The following WNT11 variants were observed in gnomAD, a reference collection of about 807,000 sequenced individuals.
The protein encoded by WNT11 is Wnt family member 11, also known as protein Wnt-11.
A neutral mutation model predicts 35.6 loss-of-function variants in WNT11; 20 were observed. The observed-to-expected ratio is 0.56, with a 90% CI of 0.40 to 0.82. The LOEUF is 0.82. WNT11 is among the 40% of genes least tolerant of loss of function. The probability of loss-of-function intolerance (pLI) is 0.00; values close to 1 mark genes in which losing one functional copy is unlikely to be tolerated. For missense variants in WNT11, 459 were observed against 504.4 expected, an observed-to-expected ratio of 0.91 and a Z score of 0.86; for synonymous variants, 200 against 211.9, an observed-to-expected ratio of 0.94 and a Z score of 0.49.
At chr11:76,207,818 T>C (rs1420664455), upstream of WNT11, among the ~76,000 whole-genome samples, 1 of 152,022 alleles carries the variant, frequency 6.6e-6, no homozygotes, top group African/African-American at 2.4e-5. Flanking sequence ...GGAGCAGCTA[T>C]CTCCGCTTTT....
At chr11:76,202,436 T>C (rs1166435651) in intron 1 of WNT11, among the ~76,000 whole-genome samples, 1 of 152,158 alleles carries the variant, frequency 6.6e-6, no homozygotes, top group Non-Finnish European at 1.5e-5. Context: ...TTGTCCCTCC[T>C]TTCCCCGTGT....
In WNT11 at chr11:76,194,847, G is replaced by C. The variant is rs779451855; in HGVS notation, c.320-3C>G. The C allele has an allele frequency of 4.5e-5, 67 of 1,496,486 alleles. No individual in the cohort carries two copies. The highest frequency in any genetic ancestry group is 5.4e-5 in the Non-Finnish European group (61 of 1,129,328). The allele number at this position is 1,496,486 out of a possible 1,614,324, so 92.7% of individuals were successfully genotyped here. On this transcript the variant is annotated splice_polypyrimidine_tract_variant and splice_region_variant and intron_variant, in intron 2 of 4. Transcript: ENST00000322563. This position sits in a 1 kb window ranked among gnomAD's most constrained non-coding sequence, Gnocchi z 5.4. Reference sequence around the variant, plus strand: ...CACGAAGGCCGACTCCCGGGTCCCTGAGGGTGGGAGGGGAAGGTCAGCCGA... The same window carrying C: ...CACGAAGGCCGACTCCCGGGTCCCTCAGGGTGGGAGGGGAAGGTCAGCCGA...
At chr11:76,187,261 G>C in intron 4 of WNT11, 22 bp from the exon 5 acceptor site, 1 of 1,596,616 alleles carries the variant, frequency 6.3e-7, no homozygotes, top group Non-Finnish European at 8.5e-7. Flanking sequence ...GCAGGAAGGA[G>C]GTCAGTGCAT....
At chr11:76,193,080 G>A (rs1220147719) in intron 3 of WNT11, among the ~76,000 whole-genome samples, 1 of 152,254 alleles carries the variant, frequency 6.6e-6, no homozygotes. Context: ...GGAATTGTCT[G>A]TGGAGGTCAC....
chr11:76,194,730 C>T lies in WNT11; in HGVS notation c.434G>A (p.Gly145Asp). 1 of 1,550,720 alleles carries T rather than the reference C, an allele frequency of 6.4e-7. No individual in the cohort carries two copies. The highest frequency in any genetic ancestry group is 8.7e-7 in the Non-Finnish European group (1 of 1,147,268). The stretch of plus-strand genomic sequence containing the variant: ...GCGGTTCCCGGGCCCGGGTGGCTCA[C>T]CTGGGACGGGGCCGCAGGAGCAGCC... ...LPGCSCGPVP[G>D]EPPGPGNRWG... Residue 145 changes from glycine to aspartate, a missense_variant, in exon 3 of 5, where the codon GGT becomes GAT. Coordinates refer to ENST00000322563, the MANE Select transcript of WNT11 (RefSeq NM_004626.3). The surrounding 1 kb of genome is among the most constrained non-coding windows in gnomAD (Gnocchi z 5.4).
At chr11:76,210,374 G>A, upstream of WNT11, 1 of 958,054 alleles carries the variant, frequency 1.0e-6, no homozygotes, top group Non-Finnish European at 1.2e-6. Flanking sequence ...AGGGGGTCGT[G>A]GCGGGTGCGA....
At chr11:76,187,636 C>CA (rs1191539514) in intron 4 of WNT11, among the ~76,000 whole-genome samples, 1 of 151,518 alleles carries the variant, frequency 6.6e-6, no homozygotes, top group East Asian at 1.9e-4. Context: ...CAGGCACACA[C>CA]CACCATGTCC....
chr11:76,191,572 T>C lies in WNT11; in HGVS notation c.882A>G (p.Thr294=), dbSNP rs760152773. 1 of 1,610,366 alleles carries C rather than the reference T, an allele frequency of 6.2e-7. No homozygotes were observed. The highest frequency in any genetic ancestry group is 8.5e-7 in the Non-Finnish European group (1 of 1,177,278). ...MKNEKVGSHG[T]QDRQCNKTSN... ...GTGGCAGCAGGCCTCACCTGTCTTG[T>C]GTCCCGTGGGAGCCCACCTTCTCAT... The change falls in exon 4 of 5, where the codon ACA becomes ACG. Residue 294 remains threonine, a synonymous_variant. Transcript: ENST00000322563.
chr11:76,199,371 A>G (rs1029925179), intron 1 of WNT11, among the ~76,000 whole-genome samples: 7 of 151,810 alleles, frequency 4.6e-5, no homozygotes, highest in African/African-American at 1.7e-4. Flanking sequence ...TATAGTCTGA[A>G]CTACTTGAGA....
rs184547237 is a variant in WNT11 at position 76,206,287 on chromosome 11, C to A, written c.83+38G>T. 7.2e-3 allele frequency: 10,525 copies of A among 1,458,606 alleles called. 47 individuals carry two copies. Among genetic ancestry groups the A allele is most frequent in the Non-Finnish European group, 9.0e-3 (9,946 of 1,099,184 alleles). The allele number at this position is 1,458,606 out of a possible 1,614,324, so 90.4% of individuals were successfully genotyped here. On this transcript the variant is annotated intron_variant, in intron 1 of 4. Transcript: ENST00000322563. ...CCAAAACGCCCTCCGCCGCCCCAGT[C>A]CCTGGCCTGTGCGCGTGGACGCGGG...
chr11:76,204,347 C>A (rs571386814), intron 1 of WNT11, among the ~76,000 whole-genome samples: 185 of 152,334 alleles, frequency 1.2e-3, no homozygotes, highest in African/African-American at 3.9e-3. Context: ...GCTCTCGGAG[C>A]AGCGTCTGGG....
At chr11:76,206,614 C>A, upstream of WNT11, 7 of 1,105,546 alleles carry the variant, frequency 6.3e-6, no homozygotes, top group Non-Finnish European at 5.6e-6. Flanking sequence ...CGGCGGGCGT[C>A]CCCTCCCGCT....
rs1533767 is a variant in WNT11 at position 76,194,756 on chromosome 11, G to A, written c.408C>T (p.Pro136=). The A allele has an allele frequency of 0.26, 403,700 of 1,553,706 alleles. 53,486 individuals carry two copies. The highest frequency in any genetic ancestry group is 0.33 in the Admixed American group (17,206 of 51,954). ...IARACTSGDL[P]GCSCGPVPGE... ...CTGGGACGGGGCCGCAGGAGCAGCC[G>A]GGCAGGTCGCCGGAGGTGCAGGCCC... The change falls in exon 3 of 5, where the codon CCC becomes CCT. Residue 136 remains proline (P), a synonymous_variant. Coordinates refer to ENST00000322563, the MANE Select transcript of WNT11 (RefSeq NM_004626.3). The surrounding 1 kb of genome is among the most constrained non-coding windows in gnomAD (Gnocchi z 5.4).
rs768193312 is a variant in WNT11, at chr11:76,191,861, G to A, written c.598-5C>T. 2.5e-5 allele frequency: 40 copies of A among 1,592,750 alleles called. No individual in the cohort carries two copies. Among genetic ancestry groups the A allele is most frequent in the Admixed American group, 3.3e-5 (2 of 59,876 alleles). On this transcript the variant is annotated splice_polypyrimidine_tract_variant and splice_region_variant and intron_variant, in intron 3 of 4. Transcript: ENST00000322563. ...TTCCAGAGAGGCGCGCAGAGCCTGC[G>A]GACAGGGGAAGGCGTCAGCTGGGTG... is the stretch of plus-strand genomic sequence containing the variant.
At chr11:76,199,212 G>A (rs1391562027) in intron 1 of WNT11, among the ~76,000 whole-genome samples, 1 of 152,094 alleles carries the variant, frequency 6.6e-6, no homozygotes, top group Non-Finnish European at 1.5e-5. Flanking sequence ...GAGGCTGGGG[G>A]TTGTTGCTCA....
intron 2 of WNT11, among the ~76,000 whole-genome samples, chr11:76,195,538 C>A (rs114666745): frequency 1.3e-5 from 2 of 152,328 alleles, no homozygotes; most frequent in Admixed American, 6.5e-5. Flanking sequence ...AGGGGGAGCA[C>A]GGCCCTGCTG....
chr11:76,210,225 C>A (rs1397242803), upstream of WNT11: 1 of 179,570 alleles, frequency 5.6e-6, no homozygotes, highest in Admixed American at 6.5e-5. Context: ...ACTGCACAAC[C>A]CACCACCGTC....
chr11:76,191,410 C>T (rs540290194), intron 4 of WNT11, among the ~76,000 whole-genome samples, 154 bp downstream of exon 4: 2 of 152,226 alleles, frequency 1.3e-5, no homozygotes, highest in Non-Finnish European at 2.9e-5. Flanking sequence ...CCTGGCATCT[C>T]CACTTAGCAG....
At chr11:76,206,545 C>T (rs1306794310), upstream of WNT11, 3 of 1,212,778 alleles carry the variant, frequency 2.5e-6, no homozygotes, top group South Asian at 7.7e-5. Flanking sequence ...GGCGCGCGGG[C>T]GGGGGAGGCG....
Sources: allele counts gnomAD v4.1 joint callset (sites outside exome capture counted in the v4.1 genomes callset), GRCh38; gene constraint gnomAD v4.1.1; non-coding constraint Gnocchi (gnomAD v3.1); transcripts MANE v1.5; gene names NCBI Gene and HGNC (gene_info 2026-07-23, HGNC 2026-07-21).